Variants in CRTC3 observed in about 807,000 individuals in gnomAD.
CRTC3 encodes CREB regulated transcription coactivator 3, also known as CREB-regulated transcription coactivator 3.
Under a neutral mutation model 74.5 loss-of-function variants are expected in CRTC3, and 26 were observed. The observed-to-expected ratio is 0.35, with a 90% confidence interval of 0.26 to 0.48. The LOEUF is 0.48. Ranked by LOEUF, CRTC3 falls within the 20% of genes least tolerant of loss-of-function variation. The probability of loss-of-function intolerance (pLI) is 0.99; values close to 1 mark genes in which losing one functional copy is unlikely to be tolerated. For missense variants in CRTC3, 760 were observed against 787.3 expected (o/e 0.97, Z 0.41); for synonymous variants, 377 against 325.8 (o/e 1.16, Z -1.69).
intron 4 of CRTC3, among the ~76,000 whole-genome samples, chr15:90,603,309 G>A (rs1224041946): frequency 9.4e-5 from 14 of 148,958 alleles, no homozygotes; most frequent in Non-Finnish European, 1.6e-4. Flanking sequence ...CGGGCGTGGT[G>A]GCAGGCGCCT....
chr15:90,623,444 C>T (rs1191793889), intron 9 of CRTC3, among the ~76,000 whole-genome samples: 1 of 152,194 alleles, frequency 6.6e-6, no homozygotes, highest in East Asian at 1.9e-4. Context: ...TCCCAATCTG[C>T]TCACATCTTC....
At position 90,642,255 on chromosome 15, in the gene CRTC3, G is replaced by A. The variant is rs143657695; in HGVS notation, c.*115G>A. On this transcript the variant is annotated 3_prime_UTR_variant, in exon 15 of 15. Transcript: ENST00000268184. ...TTATCTTGACATAGAAGGAAGCAAT[G>A]CCACGGCTCCAGGGTTTCAGATGAG... 16 of 789,486 alleles carry A rather than the reference G, an allele frequency of 2.0e-5. No individual in the cohort carries two copies. The highest frequency in any genetic ancestry group is 3.3e-5 in the Non-Finnish European group (16 of 483,730). The allele number at this position is 789,486 out of a possible 1,614,324, so 48.9% of individuals were successfully genotyped here.
At chr15:90,603,341 G>A (rs1460439031) in intron 4 of CRTC3, among the ~76,000 whole-genome samples, 1 of 151,080 alleles carries the variant, frequency 6.6e-6, no homozygotes, top group Non-Finnish European at 1.5e-5. Flanking sequence ...TACTCGGGAG[G>A]CTGAGGCAGG....
At position 90,602,702 on chromosome 15, in the gene CRTC3, A is replaced by G. The variant is rs183329250; in HGVS notation, c.413+317A>G. On this transcript the variant is annotated intron_variant, in intron 4 of 14. Coordinates refer to ENST00000268184, the MANE Select transcript of CRTC3 (RefSeq NM_022769.5). ...CAACAAAACACCTTATTGGCCGGGC[A>G]TGGTGGCTCATGCCTGTAATCCCAG... is the stretch of plus-strand genomic sequence containing the variant. Among the ~76,000 whole-genome samples, 1,476 of 152,208 alleles carry G rather than the reference A, an allele frequency of 9.7e-3. 27 individuals are homozygous for G. Among genetic ancestry groups the G allele is most frequent in the African/African-American group, 0.033 (1,361 of 41,502 alleles).
At chr15:90,614,181 A>G (rs1968431800) in intron 6 of CRTC3, 3 of 339,738 alleles carry the variant, frequency 8.8e-6, no homozygotes, top group Non-Finnish European at 1.6e-5. Flanking sequence ...GCTTTGTAAA[A>G]ATTGTTCTCC....
Position 90,631,797 on chromosome 15 carries a change from G to T in CRTC3, c.1266+2265G>T, listed in dbSNP as rs117935618. Among the ~76,000 whole-genome samples, 780 of 152,024 alleles carry T rather than the reference G, an allele frequency of 5.1e-3. 9 individuals are homozygous for T. The highest frequency in any genetic ancestry group is 0.043 in the East Asian group (224 of 5,180). The stretch of plus-strand genomic sequence containing the variant: ...GGGTCTCCCTATGTTTTCCAGGCTG[G>T]TCTTAAACTCCTGAGCTCAAGTGAT... On this transcript the variant is annotated intron_variant, in intron 11 of 14. Coordinates refer to ENST00000268184, the MANE Select transcript of CRTC3 (RefSeq NM_022769.5).
intron 10 of CRTC3, among the ~76,000 whole-genome samples, chr15:90,627,134 AG>A (rs897192759): frequency 3.3e-5 from 5 of 152,352 alleles, no homozygotes; most frequent in South Asian, 4.1e-4. Flanking sequence ...GGTCCCCTTC[AG>A]GGGGGGTCAC....
intron 2 of CRTC3, among the ~76,000 whole-genome samples, chr15:90,566,551 T>TTA (rs1555447998): frequency 7.0e-6 from 1 of 143,328 alleles, no homozygotes; most frequent in Non-Finnish European, 1.5e-5. Flanking sequence ...CTCTGTCTAT[T>TTA]AAAAAAAAAA....
At chr15:90,583,996 T>C (rs1213337866) in intron 2 of CRTC3, among the ~76,000 whole-genome samples, 1 of 152,104 alleles carries the variant, frequency 6.6e-6, no homozygotes, top group Non-Finnish European at 1.5e-5. Context: ...TGGACAGGCC[T>C]TCACGACTCC....
intron 3 of CRTC3, chr15:90,598,637 G>A: frequency 3.1e-6 from 2 of 645,076 alleles, no homozygotes; most frequent in South Asian, 3.4e-5. Flanking sequence ...AAGAGGAACA[G>A]ATTAAGGGGA....
chr15:90,557,243 T>C (rs1461094210), intron 2 of CRTC3, among the ~76,000 whole-genome samples: 1 of 152,110 alleles, frequency 6.6e-6, no homozygotes, highest in Non-Finnish European at 1.5e-5. Context: ...CTTAACCTTG[T>C]ACTTCTAGGT....
At chr15:90,631,908 A>ATT (rs1029999331) in intron 11 of CRTC3, among the ~76,000 whole-genome samples, 1 of 149,430 alleles carries the variant, frequency 6.7e-6, no homozygotes, top group Admixed American at 6.7e-5. Flanking sequence ...CATAATTTTT[A>ATT]TTTTTTTTTA....
At chr15:90,601,601 C>T (rs562216858) in intron 3 of CRTC3, among the ~76,000 whole-genome samples, 2 of 152,068 alleles carry the variant, frequency 1.3e-5, no homozygotes, top group East Asian at 1.9e-4. Flanking sequence ...TGCAGTGAGC[C>T]GAGATTGCGC....
In CRTC3 at chr15:90,629,254, A is replaced by C. The variant is rs1333426922; in HGVS notation, c.988A>C (p.Asn330His). The change falls in exon 11 of 15, where the codon AAC (asparagine) becomes CAC (histidine). Residue 330 changes from asparagine to histidine, a missense_variant. Physicochemically the swap from Asn to His is moderately conservative, Grantham distance 68. Coordinates refer to ENST00000268184, the MANE Select transcript of CRTC3 (RefSeq NM_022769.5). The part of the protein sequence containing the change: ...SSSGLQSSRS[N>H]PSIQATLNKT... ...TCCAGGTCTCCAGAGTTCTCGGAGTAACCCCTCCATCCAAGCCACGCTCAA... is the reference window on the plus strand; with the variant it reads ...TCCAGGTCTCCAGAGTTCTCGGAGTCACCCCTCCATCCAAGCCACGCTCAA... The C allele has an allele frequency of 6.2e-7, 1 of 1,613,446 alleles. No homozygotes were observed. The highest frequency in any genetic ancestry group is 8.5e-7 in the Non-Finnish European group (1 of 1,179,538).
Position 90,545,758 on chromosome 15 carries a change from T to G in CRTC3, c.231+5621T>G, listed in dbSNP as rs1250167631. On this transcript the variant is annotated intron_variant, in intron 2 of 14. Coordinates refer to ENST00000268184, the MANE Select transcript of CRTC3 (RefSeq NM_022769.5). ...CGCCCGGGTAATTTTTTTTGTATTTTTAGTAGAGACGGGGTTTCACTGTGT... is the reference window on the plus strand; with the variant it reads ...CGCCCGGGTAATTTTTTTTGTATTTGTAGTAGAGACGGGGTTTCACTGTGT... Among the ~76,000 whole-genome samples the G allele has an allele frequency of 3.3e-5, 5 of 152,248 alleles. No homozygotes were observed. The South Asian group carries it at 6.2e-4, about 19-fold the overall frequency.
At chr15:90,570,498 C>T (rs1967238267) in intron 2 of CRTC3, among the ~76,000 whole-genome samples, 1 of 152,132 alleles carries the variant, frequency 6.6e-6, no homozygotes, top group Non-Finnish European at 1.5e-5. Flanking sequence ...AGTGAAATCC[C>T]TGACAATTTC....
chr15:90,547,025 T>C (rs1190417750), intron 2 of CRTC3, among the ~76,000 whole-genome samples: 1 of 152,262 alleles, frequency 6.6e-6, no homozygotes, highest in Non-Finnish European at 1.5e-5. Flanking sequence ...AAGACTTCCA[T>C]GTACAGAAAA....
At chr15:90,550,124 T>C (rs977639727) in intron 2 of CRTC3, among the ~76,000 whole-genome samples, 3 of 151,982 alleles carry the variant, frequency 2.0e-5, no homozygotes, top group Non-Finnish European at 2.9e-5. Flanking sequence ...CATTTGTAAG[T>C]TTGTATTAAA....
intron 10 of CRTC3, among the ~76,000 whole-genome samples, chr15:90,627,311 C>T (rs1246712199): frequency 6.6e-6 from 1 of 152,180 alleles, no homozygotes; most frequent in Non-Finnish European, 1.5e-5. Flanking sequence ...GATATTTATA[C>T]ATTTGCTTCA....
Sources: allele counts gnomAD v4.1 joint callset (sites outside exome capture counted in the v4.1 genomes callset), GRCh38; gene constraint gnomAD v4.1.1; transcripts MANE v1.5; gene names NCBI Gene and HGNC (gene_info 2026-07-23, HGNC 2026-07-21).